The following UTRN variants were observed in gnomAD, a reference collection of about 807,000 sequenced individuals.
UTRN encodes utrophin, also known as dystrophin-related protein 1.
Under a neutral mutation model 463.9 loss-of-function variants are expected in UTRN, and 283 were observed. The observed-to-expected ratio is 0.61, with a 90% CI of 0.55 to 0.67. UTRN has a LOEUF of 0.67. UTRN is among the 30% of genes least tolerant of loss of function. The pLI, the probability that UTRN is intolerant of heterozygous loss-of-function variation, is 0.00. For synonymous variants in UTRN, 1,442 were observed against 1,431.5 expected, an observed-to-expected ratio of 1.01 and a Z score of -0.17; for missense variants, 3,922 against 4,084.3, an observed-to-expected ratio of 0.96 and a Z score of 1.08.
chr6:144,486,991 T>C (rs1792519106), intron 28 of UTRN, among the ~76,000 whole-genome samples: 1 of 152,204 alleles, frequency 6.6e-6, no homozygotes, highest in Admixed American at 6.5e-5. Flanking sequence ...AAAAAGTGTG[T>C]ATATAAAACA....
At chr6:144,464,943 C>T (rs746654639) in intron 23 of UTRN, among the ~76,000 whole-genome samples, 27 of 152,096 alleles carry the variant, frequency 1.8e-4, no homozygotes, top group Non-Finnish European at 2.6e-4. Context: ...GATTCTCAAC[C>T]GGGGTGATTT....
At position 144,403,171 on chromosome 6, in the gene UTRN, C is replaced by A. The variant is rs1783075747; in HGVS notation, c.128C>A (p.Ala43Asp). Residue 43 changes from alanine (A) to aspartate (D), a missense_variant, in exon 3 of 75, where the codon GCT becomes GAT. Physicochemically the swap from Ala to Asp is moderately radical, Grantham distance 126 (BLOSUM62 -2). Around this residue, in one of 3 missense-constraint regions of UTRN, gnomAD observed 264 missense variants for 327.9 expected, o/e 0.81. Transcript: ENST00000367545. The part of the protein sequence containing the change: ...QKKTFTKWIN[A>D]RFSKSGKPPI... ...AAAACCTTTACCAAATGGATAAATG[C>A]TCGATTTTCAAAGGTAACTGAGACT... The A allele has an allele frequency of 2.5e-6, 4 of 1,613,260 alleles. No individual in the cohort carries two copies. The highest frequency in any genetic ancestry group is 3.4e-6 in the Non-Finnish European group (4 of 1,179,602).
At position 144,699,666 on chromosome 6, in the gene UTRN, A is replaced by T. The variant is rs553602942; in HGVS notation, c.7653-421A>T. Among the ~76,000 whole-genome samples the T allele has an allele frequency of 1.5e-3, 231 of 150,602 alleles. 2 individuals are homozygous for T. Among genetic ancestry groups the T allele is most frequent in the African/African-American group, 5.4e-3 (222 of 41,288 alleles). On this transcript the variant is annotated intron_variant, in intron 52 of 74. Transcript: ENST00000367545. The stretch of plus-strand genomic sequence containing the variant: ...TGGATGTGCGTATATACTATACATA[A>T]ACTATCAAAACTTGGTTTATAATTG...
chr6:144,671,562 A>T (rs1355052430), intron 51 of UTRN, among the ~76,000 whole-genome samples: 1 of 152,018 alleles, frequency 6.6e-6, no homozygotes, highest in African/African-American at 2.4e-5. Flanking sequence ...TTTTTTAGGT[A>T]TACAATCATG....
At chr6:144,484,752 C>T (rs556698219) in intron 27 of UTRN, among the ~76,000 whole-genome samples, 3 of 152,022 alleles carry the variant, frequency 2.0e-5, no homozygotes, top group African/African-American at 7.2e-5. Flanking sequence ...CTTTAAAAAA[C>T]AAACTAAATA....
At chr6:144,463,199 T>C (rs755885829) in intron 23 of UTRN, among the ~76,000 whole-genome samples, 5 of 152,044 alleles carry the variant, frequency 3.3e-5, no homozygotes, top group Non-Finnish European at 5.9e-5. Context: ...TTGGTTGGGG[T>C]GGTAGAAATA....
intron 52 of UTRN, among the ~76,000 whole-genome samples, chr6:144,685,550 G>A (rs1380689003): frequency 6.6e-6 from 1 of 152,004 alleles, no homozygotes; most frequent in African/African-American, 2.4e-5. Flanking sequence ...TTTTAATAAT[G>A]GCCGTTCTGG....
At chr6:144,501,990 G>A (rs943820489) in intron 34 of UTRN, among the ~76,000 whole-genome samples, 1 of 151,858 alleles carries the variant, frequency 6.6e-6, no homozygotes, top group African/African-American at 2.4e-5. Flanking sequence ...TCACCAAATT[G>A]GTCTTTTAAT....
chr6:144,403,302 T>C (rs919268962), intron 3 of UTRN, 118 bp downstream of exon 3: 1 of 809,224 alleles, frequency 1.2e-6, no homozygotes. Context: ...GTCTTCTGAG[T>C]ATGCAGATAC....
In UTRN at chr6:144,516,959, T is replaced by G. The variant is rs578252005; in HGVS notation, c.5541+11T>G. 56 of 1,456,426 alleles carry G rather than the reference T, an allele frequency of 3.8e-5. No homozygotes were observed. In the South Asian group the frequency reaches 5.4e-4, roughly 14 times the overall value. 90.2% of individuals were successfully genotyped at this position (1,456,426 alleles called of 1,614,324 possible). On this transcript the variant is annotated intron_variant, in intron 39 of 74. Coordinates refer to ENST00000367545, the MANE Select transcript of UTRN (RefSeq NM_007124.3). ...TACAACAAAATTAAGGTATTATGAT[T>G]GGAGAGTCTCTGTTGCATTTAAATA...
chr6:144,590,691 G>C (rs1214313859), intron 51 of UTRN, among the ~76,000 whole-genome samples: 1 of 152,078 alleles, frequency 6.6e-6, no homozygotes, highest in East Asian at 1.9e-4. Flanking sequence ...AATTTTAGTC[G>C]TTCACACGAG....
Position 144,542,551 on chromosome 6 carries a change from C to T in UTRN, c.6520-244C>T, listed in dbSNP as rs578208740. 4.6e-5 allele frequency among the ~76,000 whole-genome samples: 7 copies of T among 152,020 alleles called. No homozygotes were observed. The South Asian group carries it at 6.2e-4, about 14-fold the overall frequency. On this transcript the variant is annotated intron_variant, in intron 45 of 74. Transcript: ENST00000367545. Reference sequence around the variant, plus strand: ...CAGAATTCAAGGGAGGGGGAGTGGACGGCATTAACTGGTGCACAGGGGTCA... The same window carrying T: ...CAGAATTCAAGGGAGGGGGAGTGGATGGCATTAACTGGTGCACAGGGGTCA...
intron 21 of UTRN, among the ~76,000 whole-genome samples, chr6:144,459,973 C>A (rs568893600): frequency 6.6e-6 from 1 of 151,538 alleles, no homozygotes; most frequent in Non-Finnish European, 1.5e-5. Flanking sequence ...AGCCATTGTA[C>A]CTGACCTGGA....
At chr6:144,449,138 A>G (rs760420959) in intron 17 of UTRN, among the ~76,000 whole-genome samples, 1 of 152,138 alleles carries the variant, frequency 6.6e-6, no homozygotes, top group Non-Finnish European at 1.5e-5. Flanking sequence ...GTCTTTGAAT[A>G]TAGCTTCCCC....
At chr6:144,667,311 G>A (rs772655260) in intron 51 of UTRN, among the ~76,000 whole-genome samples, 1 of 152,190 alleles carries the variant, frequency 6.6e-6, no homozygotes, top group Non-Finnish European at 1.5e-5. Context: ...ACCTGCCTCA[G>A]CCTCCCAAAG....
chr6:144,499,423 C>G lies in UTRN; in HGVS notation c.4760C>G (p.Ala1587Gly). The G allele has an allele frequency of 6.2e-7, 1 of 1,605,066 alleles. No individual in the cohort carries two copies. Among genetic ancestry groups the G allele is most frequent in the Non-Finnish European group, 8.5e-7 (1 of 1,173,262 alleles). ...GACTTGGATACAGAAATTTCCTGGG[C>G]TAAAGTAAGTTGCAGTTCAGATGAA... The part of the protein sequence containing the change: ...LGDLDTEISW[A>G]KNVLKDLEKR... Residue 1587 changes from alanine to glycine, a missense_variant, in exon 34 of 75, where the codon GCT (alanine) becomes GGT (glycine). This residue lies in a region of UTRN where 2,349 missense variants were observed against 2,303.8 expected (regional missense o/e 1.02). Transcript: ENST00000367545.
intron 66 of UTRN, among the ~76,000 whole-genome samples, chr6:144,821,692 G>GA (rs959362295): frequency 6.6e-6 from 1 of 151,572 alleles, no homozygotes; most frequent in Non-Finnish European, 1.5e-5. Flanking sequence ...GAAGTGAAAA[G>GA]AAAAAAAATG....
At chr6:144,813,408 C>T (rs1209265868) in intron 65 of UTRN, among the ~76,000 whole-genome samples, 2 of 151,986 alleles carry the variant, frequency 1.3e-5, no homozygotes, top group South Asian at 2.1e-4. Context: ...AGGATGATCT[C>T]GATCTCCTGA....
intron 2 of UTRN, among the ~76,000 whole-genome samples, chr6:144,359,407 T>C (rs538610843): frequency 3.3e-5 from 5 of 152,190 alleles, no homozygotes; most frequent in Admixed American, 6.5e-5. Context: ...GCTACTATTA[T>C]TATTGTTGTT....
Sources: allele counts gnomAD v4.1 joint callset (sites outside exome capture counted in the v4.1 genomes callset), GRCh38; gene constraint gnomAD v4.1.1; regional missense constraint gnomAD v4.1.1; transcripts MANE v1.5; gene names NCBI Gene and HGNC (gene_info 2026-07-23, HGNC 2026-07-21).